TUBGCP3: variants seen among roughly 807,000 people sequenced by gnomAD.
TUBGCP3 encodes the protein gamma-tubulin complex component 3.
In TUBGCP3, 50 loss-of-function variants were observed where a neutral mutation model predicts 123.1. The ratio of observed to expected loss-of-function variants is 0.41; its 90% confidence interval spans 0.32 to 0.51. TUBGCP3 has a LOEUF of 0.51. TUBGCP3 is among the 20% of genes least tolerant of loss of function. TUBGCP3 has a pLI of 0.36. For missense variants in TUBGCP3, 882 were observed against 1,127.0 expected (o/e 0.78, Z 3.11); for synonymous variants, 405 against 413.9 (o/e 0.98, Z 0.26).
intron 20 of TUBGCP3, among the ~76,000 whole-genome samples, chr13:112,492,260 A>AT: frequency 6.6e-6 from 1 of 152,372 alleles, no homozygotes; most frequent in African/African-American, 2.4e-5. Context: ...GCTTTAAACA[A>AT]TATCTTTTGA....
chr13:112,576,647 C>T (rs1316545250), intron 1 of TUBGCP3, among the ~76,000 whole-genome samples: 4 of 151,662 alleles, frequency 2.6e-5, no homozygotes, highest in African/African-American at 9.7e-5. Context: ...TCAATTATAC[C>T]TCAACAAAGC....
rs1880006596 is a variant in TUBGCP3 at position 112,556,078 on chromosome 13, C to T, written c.695G>A (p.Arg232Lys). 2.5e-6 allele frequency: 4 copies of T among 1,613,840 alleles called. No individual in the cohort carries two copies. The highest frequency in any genetic ancestry group is 8.5e-7 in the Non-Finnish European group (1 of 1,179,912). The change falls in exon 6 of 22, where the codon AGG becomes AAG. Residue 232 changes from arginine to lysine, a missense_variant. Coordinates refer to ENST00000261965, the MANE Select transcript of TUBGCP3 (RefSeq NM_006322.6). Reference protein sequence around the residue: ...VPSAVSRNMTRSRREGDTGGT... With the variant: ...VPSAVSRNMTKSRREGDTGGT... ...ACCCGTATCCCCTTCTCTCCTGGAC[C>T]TTGTCATGTTGCGAGACACAGCACT... is the stretch of plus-strand genomic sequence containing the variant.
At chr13:112,541,760 T>TA (rs1307579387) in intron 11 of TUBGCP3, among the ~76,000 whole-genome samples, 4 of 152,182 alleles carry the variant, frequency 2.6e-5, no homozygotes, top group Non-Finnish European at 5.9e-5. Flanking sequence ...ATCCTAATAG[T>TA]ATGAAAACTC....
At chr13:112,494,685 C>T (rs944086544) in intron 20 of TUBGCP3, among the ~76,000 whole-genome samples, 4 of 152,210 alleles carry the variant, frequency 2.6e-5, no homozygotes, top group Non-Finnish European at 5.9e-5. Context: ...ATGTTCCCTC[C>T]GCAGTGTGTG....
chr13:112,603,365 T>C, the TUBGCP3 span: 10 of 152,242 alleles, frequency 6.6e-5, 1 homozygote, highest in Non-Finnish European at 1.5e-4. Flanking sequence ...ATTTAACTAC[T>C]AAATCTCTAA....
intron 8 of TUBGCP3, 45 bp from the exon 9 acceptor site, chr13:112,548,221 A>G (rs771755095): frequency 6.8e-7 from 1 of 1,464,392 alleles, no homozygotes; most frequent in African/African-American, 1.4e-5. Flanking sequence ...CACTCATTAC[A>G]CATTGACTGA....
intron 17 of TUBGCP3, among the ~76,000 whole-genome samples, chr13:112,509,556 T>C (rs1300919613): frequency 1.3e-5 from 2 of 152,246 alleles, no homozygotes; most frequent in Non-Finnish European, 1.5e-5. Flanking sequence ...CTTAAAGTAC[T>C]ACCAGCGAAT....
intron 1 of TUBGCP3, among the ~76,000 whole-genome samples, chr13:112,587,584 G>A (rs1164603733): frequency 6.6e-6 from 1 of 152,222 alleles, no homozygotes; most frequent in South Asian, 2.1e-4. Context: ...ACCCGCGAGC[G>A]GAGTGAGCGG....
chr13:112,535,607 A>G (rs1594160039), intron 11 of TUBGCP3, among the ~76,000 whole-genome samples: 2 of 152,034 alleles, frequency 1.3e-5, no homozygotes, highest in African/African-American at 4.8e-5. Context: ...ATCTTCTCAA[A>G]CCCTTTTTAA....
chr13:112,545,913 A>G lies in TUBGCP3; in HGVS notation c.1169-48T>C, dbSNP rs1878951778. 3 of 1,590,686 alleles carry G rather than the reference A, an allele frequency of 1.9e-6. No individual in the cohort carries two copies. Among genetic ancestry groups the G allele is most frequent in the Non-Finnish European group, 2.6e-6 (3 of 1,161,604 alleles). ...CACAAAAACATCCACATTTACACTC[A>G]TAGTACACACCAGTCACTTCTCACC... On this transcript the variant is annotated intron_variant, in intron 10 of 21. Coordinates refer to ENST00000261965, the MANE Select transcript of TUBGCP3 (RefSeq NM_006322.6). This position sits in a 1 kb window ranked among gnomAD's most constrained non-coding sequence, Gnocchi z 4.1.
At chr13:112,563,120 C>G (rs774839282) in intron 3 of TUBGCP3, among the ~76,000 whole-genome samples, 2 of 152,216 alleles carry the variant, frequency 1.3e-5, no homozygotes, top group African/African-American at 4.8e-5. Flanking sequence ...AACAGCACAG[C>G]ACTCTACTCC....
intron 11 of TUBGCP3, among the ~76,000 whole-genome samples, chr13:112,544,288 C>A (rs1251548537): frequency 1.3e-5 from 2 of 151,870 alleles, no homozygotes; most frequent in Admixed American, 6.6e-5. Flanking sequence ...CCCGTCTCTA[C>A]TAAAAATACA....
At position 112,485,026 on chromosome 13, in the gene TUBGCP3, TTTAA is replaced by T. The variant is rs1879564022; in HGVS notation, c.*963_*966del. ...CGAATGCATCTGAAAGATAATTGCTTTTAATTTTCTAAATTTTCACTTATGCAAC... is the reference window on the plus strand; with the variant it reads ...CGAATGCATCTGAAAGATAATTGCTTTTTTCTAAATTTTCACTTATGCAAC... On this transcript the variant is annotated 3_prime_UTR_variant, in exon 22 of 22. Transcript: ENST00000261965. 1 of 152,476 alleles carries T rather than the reference TTTAA, an allele frequency of 6.6e-6. No homozygotes were observed. Among genetic ancestry groups the T allele is most frequent in the Non-Finnish European group, 1.5e-5 (1 of 68,040 alleles). 9.4% of individuals were successfully genotyped at this position (152,476 alleles called of 1,614,324 possible).
chr13:112,556,834 T>C (rs975991075), intron 5 of TUBGCP3, among the ~76,000 whole-genome samples: 3 of 152,258 alleles, frequency 2.0e-5, no homozygotes, highest in African/African-American at 7.2e-5. Context: ...CAAAGTTGTT[T>C]TTTGAAAAAT....
At chr13:112,547,534 G>A (rs1048378967) in intron 10 of TUBGCP3, 86 bp downstream of exon 10, 36 of 1,179,384 alleles carry the variant, frequency 3.1e-5, no homozygotes, top group Non-Finnish European at 3.6e-5. Context: ...TGGGAAAGAC[G>A]TGCATGGGAA....
chr13:112,525,070 A>G (rs1594142803), intron 13 of TUBGCP3, among the ~76,000 whole-genome samples: 1 of 152,244 alleles, frequency 6.6e-6, no homozygotes, highest in East Asian at 1.9e-4. Flanking sequence ...TTCCAGTAAC[A>G]CCTGTAGCTA....
At chr13:112,487,051 GTA>G (rs1253906699) in intron 21 of TUBGCP3, among the ~76,000 whole-genome samples, 4 of 90,248 alleles carry the variant, frequency 4.4e-5, no homozygotes, top group South Asian at 4.8e-4. Context: ...CAAACACTGT[GTA>G]TGTGTGTGTG....
intron 2 of TUBGCP3, 25 bp downstream of exon 2, chr13:112,569,127 C>G (rs1566585967): frequency 1.2e-6 from 2 of 1,609,752 alleles, no homozygotes; most frequent in Non-Finnish European, 8.5e-7. Context: ...GAATCCAACA[C>G]ATGACATTTA....
Position 112,524,727 on chromosome 13 carries a change from G to A in TUBGCP3, c.1555+2215C>T, listed in dbSNP as rs1040438882. On this transcript the variant is annotated intron_variant, in intron 13 of 21. Transcript: ENST00000261965. This position sits in a 1 kb window ranked among gnomAD's most constrained non-coding sequence, Gnocchi z 4.4. The stretch of plus-strand genomic sequence containing the variant: ...AAAGGGTGTCTCCCCTGGACCACAC[G>A]GGAGCTCTTGCTACACCATCCTGCC... Among the ~76,000 whole-genome samples the A allele has an allele frequency of 1.3e-5, 2 of 152,064 alleles. No homozygotes were observed. Among genetic ancestry groups the A allele is most frequent in the Admixed American group, 6.5e-5 (1 of 15,268 alleles).
Sources: allele counts gnomAD v4.1 joint callset (sites outside exome capture counted in the v4.1 genomes callset), GRCh38; gene constraint gnomAD v4.1.1; non-coding constraint Gnocchi (gnomAD v3.1); transcripts MANE v1.5; gene names NCBI Gene and HGNC (gene_info 2026-07-23, HGNC 2026-07-21).